ACTR3: variants seen among roughly 807,000 people sequenced by gnomAD.
The protein encoded by ACTR3 is actin related protein 3, also known as actin-related protein 3.
A neutral mutation model predicts 56.8 loss-of-function variants in ACTR3; 12 were observed. That is an observed-to-expected ratio of 0.21 (90% CI 0.14 to 0.34). ACTR3 has a LOEUF of 0.34. Ranked by LOEUF, ACTR3 falls within the 10% of genes least tolerant of loss-of-function variation. The probability of loss-of-function intolerance (pLI) is 1.00; values close to 1 mark genes in which losing one functional copy is unlikely to be tolerated. For synonymous variants in ACTR3, 162 were observed against 167.4 expected (o/e 0.97, Z 0.25); for missense variants, 282 against 512.5 (o/e 0.55, Z 4.34).
At chr2:113,957,316 G>C (rs1333725469) in intron 11 of ACTR3, 44 bp from the exon 12 acceptor site, 1 of 1,386,656 alleles carries the variant, frequency 7.2e-7, no homozygotes, top group East Asian at 2.3e-5. Context: ...CTTCAAGATG[G>C]TAGATTTTTG....
rs545673549 is a variant in ACTR3 at position 113,937,142 on chromosome 2, C to T, written c.540+2756C>T. ...TTTTGGAGACAGAGTCTTGCTCTGT[C>T]GCCGAGGCTGGAGTGCAGTGGTGCG... On this transcript the variant is annotated intron_variant, in intron 6 of 11. Transcript: ENST00000263238. 2.2e-3 allele frequency among the ~76,000 whole-genome samples: 331 copies of T among 152,172 alleles called. 2 individuals are homozygous for T. Among genetic ancestry groups the T allele is most frequent in the African/African-American group, 7.4e-3 (308 of 41,526 alleles).
chr2:113,944,127 C>T (rs547163211), intron 8 of ACTR3, among the ~76,000 whole-genome samples: 1 of 152,230 alleles, frequency 6.6e-6, no homozygotes, highest in South Asian at 2.1e-4. Flanking sequence ...TGGAGTTTTT[C>T]AGCATCTAGG....
intron 8 of ACTR3, among the ~76,000 whole-genome samples, chr2:113,949,412 A>G (rs1228441098): frequency 6.6e-6 from 1 of 151,508 alleles, no homozygotes; most frequent in East Asian, 1.9e-4. Flanking sequence ...AAAAGAAAAA[A>G]TTGACACATG....
chr2:113,917,117 C>T, intron 3 of ACTR3, 109 bp downstream of exon 3: 1 of 921,554 alleles, frequency 1.1e-6, no homozygotes. Context: ...CCTCAAACCT[C>T]TTCTCAGTAG....
intron 1 of ACTR3, among the ~76,000 whole-genome samples, chr2:113,893,212 A>G (rs1330903895): frequency 6.6e-6 from 1 of 151,972 alleles, no homozygotes; most frequent in East Asian, 1.9e-4. Context: ...TAACACTTGT[A>G]TGATCATCCT....
At chr2:113,895,722 G>C (rs1310577980) in intron 1 of ACTR3, among the ~76,000 whole-genome samples, 2 of 152,006 alleles carry the variant, frequency 1.3e-5, no homozygotes, top group African/African-American at 4.8e-5. Flanking sequence ...TTTTATTTAC[G>C]GGTAGCAAAG....
At chr2:113,904,905 C>T (rs752441327) in intron 1 of ACTR3, 8 of 152,082 alleles carry the variant, frequency 5.3e-5, no homozygotes, top group Non-Finnish European at 8.8e-5. Flanking sequence ...CCTGTCCTTC[C>T]CTCCCTTGTC....
At chr2:113,936,838 T>C (rs1051689646) in intron 6 of ACTR3, among the ~76,000 whole-genome samples, 1 of 152,164 alleles carries the variant, frequency 6.6e-6, no homozygotes, top group Non-Finnish European at 1.5e-5. Context: ...CTGAAGACTT[T>C]CTTCTTGGCT....
intron 5 of ACTR3, 72 bp downstream of exon 5, chr2:113,931,468 T>TA: frequency 1.0e-6 from 1 of 1,002,380 alleles, no homozygotes; most frequent in Non-Finnish European, 1.4e-6. Context: ...CTAAAATACG[T>TA]ACTTTTTTTT....
intron 1 of ACTR3, among the ~76,000 whole-genome samples, chr2:113,895,321 CCCAAG>C: frequency 6.6e-6 from 1 of 152,062 alleles, no homozygotes. Flanking sequence ...AAGCTACTTA[CCCAAG>C]ATACTGTAGC....
chr2:113,935,365 C>A (rs1445762860), intron 6 of ACTR3, among the ~76,000 whole-genome samples: 2 of 152,182 alleles, frequency 1.3e-5, no homozygotes, highest in East Asian at 3.9e-4. Context: ...ACCCATTTCC[C>A]CTTGATTCCT....
intron 8 of ACTR3, among the ~76,000 whole-genome samples, chr2:113,944,020 G>T (rs1679971070): frequency 2.0e-5 from 3 of 152,092 alleles, no homozygotes; most frequent in African/African-American, 7.2e-5. Flanking sequence ...AAAGGATTAT[G>T]GTCATAAAAT....
chr2:113,895,059 T>C (rs980116899), intron 1 of ACTR3, among the ~76,000 whole-genome samples: 10 of 111,460 alleles, frequency 9.0e-5, no homozygotes, highest in East Asian at 2.9e-4. Flanking sequence ...TGGTTTAGGT[T>C]CCCCCCCCCC....
chr2:113,900,889 A>G (rs1295290159), intron 1 of ACTR3, among the ~76,000 whole-genome samples: 1 of 152,254 alleles, frequency 6.6e-6, no homozygotes, highest in Non-Finnish European at 1.5e-5. Flanking sequence ...CAGGTTAAAC[A>G]TTGACTTGCA....
intron 10 of ACTR3, chr2:113,953,990 A>G (rs1312776782): frequency 6.6e-6 from 1 of 152,208 alleles, no homozygotes; most frequent in African/African-American, 2.4e-5. Context: ...TCTTTCATGA[A>G]TGAATGTGAC....
At chr2:113,944,256 T>C (rs1260735351) in intron 8 of ACTR3, among the ~76,000 whole-genome samples, 1 of 152,008 alleles carries the variant, frequency 6.6e-6, no homozygotes, top group Non-Finnish European at 1.5e-5. Context: ...GAGAGATGGC[T>C]ATGAAAGAAA....
chr2:113,956,831 G>A (rs1411097626), intron 11 of ACTR3, among the ~76,000 whole-genome samples: 2 of 152,124 alleles, frequency 1.3e-5, no homozygotes, highest in African/African-American at 4.8e-5. Flanking sequence ...TCTTCAATTG[G>A]GCCATATAAC....
At chr2:113,910,661 CT>C (rs1679290670) in intron 1 of ACTR3, among the ~76,000 whole-genome samples, 1 of 152,122 alleles carries the variant, frequency 6.6e-6, no homozygotes. Context: ...GAATTGATTG[CT>C]TTTTTGTTGT....
intron 8 of ACTR3, 175 bp from the exon 9 acceptor site, chr2:113,951,304 T>C (rs1234713564): frequency 3.8e-6 from 2 of 527,554 alleles, no homozygotes; most frequent in Non-Finnish European, 6.9e-6. Flanking sequence ...GTATATATCA[T>C]CATAATTTTG....
Sources: gnomAD v4.1 joint callset for allele counts (sites outside exome capture counted in the v4.1 genomes callset) on GRCh38, gnomAD v4.1.1 for gene constraint, MANE v1.5 for transcripts, NCBI Gene and HGNC (gene_info 2026-07-23, HGNC 2026-07-21) for gene names.